Variants in PRDM16 observed in about 807,000 individuals in gnomAD.
PRDM16 encodes the protein PR/SET domain 16, also known as histone-lysine N-methyltransferase PRDM16.
A neutral mutation model predicts 110.6 loss-of-function variants in PRDM16; 23 were observed. That is an observed-to-expected ratio of 0.21 (90% confidence interval 0.15 to 0.29). The LOEUF (loss-of-function observed/expected upper bound fraction) is 0.29, where lower values mean the gene tolerates loss of function less well. PRDM16 is among the 10% of genes least tolerant of loss of function. The pLI, the probability that PRDM16 is intolerant of heterozygous loss-of-function variation, is 1.00. For synonymous variants in PRDM16, 799 were observed against 781.8 expected, an observed-to-expected ratio of 1.02 and a Z score of -0.37; for missense variants, 1,615 against 1,794.3, an observed-to-expected ratio of 0.90 and a Z score of 1.81.
chr1:3,219,373 G>A (rs118014777), intron 2 of PRDM16, among the ~76,000 whole-genome samples: 1 of 152,282 alleles, frequency 6.6e-6, no homozygotes, highest in East Asian at 1.9e-4. Context: ...CAGATTGACT[G>A]GCCACAGCGC....
chr1:3,225,462 C>T (rs1239047101), intron 2 of PRDM16, among the ~76,000 whole-genome samples: 2 of 152,002 alleles, frequency 1.3e-5, no homozygotes, highest in Non-Finnish European at 2.9e-5. Context: ...CAGCACGGCG[C>T]GTGGACACCA....
chr1:3,138,059 G>T (rs183534162), intron 1 of PRDM16, among the ~76,000 whole-genome samples: 1 of 152,206 alleles, frequency 6.6e-6, no homozygotes, highest in Non-Finnish European at 1.5e-5. Context: ...TCCCGTGTAA[G>T]TTCCCCCTGT....
At chr1:3,102,918 T>A (rs984275624) in intron 1 of PRDM16, among the ~76,000 whole-genome samples, 4 of 152,224 alleles carry the variant, frequency 2.6e-5, no homozygotes, top group Admixed American at 6.5e-5. Context: ...CAGGGTCACC[T>A]GACAGCCCCG....
chr1:3,142,619 G>A (rs115846866), intron 1 of PRDM16, among the ~76,000 whole-genome samples: 7 of 152,308 alleles, frequency 4.6e-5, no homozygotes, highest in East Asian at 3.9e-4. Context: ...TGCCACTGCC[G>A]TGTATGTTCC....
intron 2 of PRDM16, among the ~76,000 whole-genome samples, chr1:3,224,915 A>T (rs1639251633): frequency 6.6e-6 from 1 of 152,242 alleles, no homozygotes; most frequent in Admixed American, 6.5e-5. Context: ...TGGACGCAGC[A>T]TCTCAGGGAC....
intron 1 of PRDM16, among the ~76,000 whole-genome samples, chr1:3,138,247 G>A (rs555847638): frequency 6.6e-6 from 1 of 152,236 alleles, no homozygotes; most frequent in African/African-American, 2.4e-5. Context: ...GCTTTGTGCA[G>A]AAAGGAAAGG....
rs1569803476 is a variant in PRDM16, at chr1:3,436,202, T to G, written c.*2391T>G. 9.6e-6 allele frequency: 2 copies of G among 207,652 alleles called. No individual in the cohort carries two copies. Among genetic ancestry groups the G allele is most frequent in the Non-Finnish European group, 1.9e-5 (2 of 102,922 alleles). 12.9% of individuals were successfully genotyped at this position (207,652 alleles called of 1,614,324 possible). On this transcript the variant is annotated 3_prime_UTR_variant, in exon 17 of 17. Coordinates refer to ENST00000270722, the MANE Select transcript of PRDM16 (RefSeq NM_022114.4). ...CTGCGAAAGAGTAAGGTGTGTGCTTTTTTTTTTTTGCAATATGACCCCGTC... is the reference window on the plus strand; with the variant it reads ...CTGCGAAAGAGTAAGGTGTGTGCTTGTTTTTTTTTGCAATATGACCCCGTC...
At chr1:3,212,422 G>A (rs886068874) in intron 2 of PRDM16, among the ~76,000 whole-genome samples, 26 of 152,146 alleles carry the variant, frequency 1.7e-4, no homozygotes, top group African/African-American at 5.6e-4. Context: ...AATTCTGGGA[G>A]TCCAGGCCTG....
chr1:3,097,433 C>T (rs1012396451), intron 1 of PRDM16, among the ~76,000 whole-genome samples: 4 of 152,218 alleles, frequency 2.6e-5, no homozygotes, highest in Non-Finnish European at 4.4e-5. Context: ...GCTGCCGCCC[C>T]GTGCCCTGAC....
chr1:3,312,900 CCACACACGGATACGTGTG>C (rs1247013105), intron 3 of PRDM16, among the ~76,000 whole-genome samples: 32 of 152,204 alleles, frequency 2.1e-4, no homozygotes, highest in Non-Finnish European at 2.8e-4. Flanking sequence ...GGACAGAGGT[CCACACACGGATACGTGTG>C]CACACACGGG....
intron 5 of PRDM16, among the ~76,000 whole-genome samples, 166 bp downstream of exon 5, chr1:3,396,759 G>A (rs1343878572): frequency 6.6e-6 from 1 of 152,168 alleles, no homozygotes; most frequent in Non-Finnish European, 1.5e-5. Flanking sequence ...CAGACCTCAG[G>A]CCAGCAGAAA....
At chr1:3,110,922 G>A (rs1642777078) in intron 1 of PRDM16, among the ~76,000 whole-genome samples, 1 of 152,204 alleles carries the variant, frequency 6.6e-6, no homozygotes, top group Non-Finnish European at 1.5e-5. Flanking sequence ...TGGGGTGGGG[G>A]ATGGGTCTAA....
In PRDM16 at chr1:3,414,573, C is replaced by T. The variant is rs754375101; in HGVS notation, c.2617C>T (p.Arg873Trp). The part of the protein sequence containing the change: ...MDPIYSRVEK[R>W]KVTDPVGALK... ...GCTGTTGTCCAGCAGGGTAGAAAAG[C>T]GGAAGGTCACAGACCCCGTGGGAGC... The change falls in exon 10 of 17, where the codon CGG becomes TGG. Residue 873 changes from arginine to tryptophan, a missense_variant. This residue lies in a region of PRDM16 where 772 missense variants were observed against 748.3 expected (regional missense o/e 1.03). Coordinates refer to ENST00000270722, the MANE Select transcript of PRDM16 (RefSeq NM_022114.4). 21 of 1,613,078 alleles carry T rather than the reference C, an allele frequency of 1.3e-5. No individual in the cohort carries two copies. The Admixed American group carries it at 1.8e-4, about 14-fold the overall frequency.
At chr1:3,433,378 C>T (rs1290710494) in intron 16 of PRDM16, among the ~76,000 whole-genome samples, 1 of 152,256 alleles carries the variant, frequency 6.6e-6, no homozygotes, top group Non-Finnish European at 1.5e-5. Flanking sequence ...AGGCCAGGGC[C>T]ACGGGAGGCT....
At chr1:3,114,526 GCA>G (rs1642906263) in intron 1 of PRDM16, among the ~76,000 whole-genome samples, 1 of 150,678 alleles carries the variant, frequency 6.6e-6, no homozygotes, top group Non-Finnish European at 1.5e-5. Context: ...ATGAACACAC[GCA>G]CACATGCACA....
intron 2 of PRDM16, among the ~76,000 whole-genome samples, chr1:3,232,188 C>T (rs565614705): frequency 6.5e-4 from 99 of 152,318 alleles, no homozygotes; most frequent in African/African-American, 2.2e-3. Flanking sequence ...TCTCCCTTCC[C>T]GCCGATCCAT....
intron 1 of PRDM16, among the ~76,000 whole-genome samples, chr1:3,123,422 C>G (rs1009260313): frequency 1.3e-5 from 2 of 152,228 alleles, no homozygotes; most frequent in Non-Finnish European, 2.9e-5. Context: ...GATCAATGCC[C>G]AGGCACGGGT....
intron 4 of PRDM16, among the ~76,000 whole-genome samples, chr1:3,388,752 A>G (rs1273880951): frequency 2.6e-5 from 4 of 152,118 alleles, no homozygotes; most frequent in Non-Finnish European, 4.4e-5. Flanking sequence ...GGGTGCTCCT[A>G]TGTCCTTGGG....
At chr1:3,400,942 G>A (rs542031336) in intron 5 of PRDM16, among the ~76,000 whole-genome samples, 2 of 152,182 alleles carry the variant, frequency 1.3e-5, no homozygotes, top group South Asian at 4.1e-4. Context: ...ATCACATCTG[G>A]CAAGCTGGCA....
Sources: allele counts gnomAD v4.1 joint callset (sites outside exome capture counted in the v4.1 genomes callset), GRCh38; gene constraint gnomAD v4.1.1; regional missense constraint gnomAD v4.1.1; transcripts MANE v1.5; gene names NCBI Gene and HGNC (gene_info 2026-07-23, HGNC 2026-07-21).